The following LOC128092252 variants were observed in gnomAD, a reference collection of about 807,000 sequenced individuals.
the LOC128092252 span, among the ~76,000 whole-genome samples, chr15:50,660,033 G>A: frequency 6.6e-6 from 1 of 152,118 alleles, no homozygotes; most frequent in Non-Finnish European, 1.5e-5. Flanking sequence ...TTTTATTTTA[G>A]AACTGGCACA....
the LOC128092252 span, among the ~76,000 whole-genome samples, chr15:50,662,080 C>T: frequency 4.0e-5 from 6 of 151,786 alleles, no homozygotes; most frequent in Non-Finnish European, 7.4e-5. Flanking sequence ...TAGGGCTGGG[C>T]GCGGTGGCTC....
At chr15:50,686,406 C>T in the LOC128092252 span, 2 of 1,522,210 alleles carry the variant, frequency 1.3e-6, no homozygotes, top group South Asian at 2.3e-5. Flanking sequence ...CCGGAAGCCT[C>T]AAGGCAATTC....
chr15:50,673,003 G>A, the LOC128092252 span, among the ~76,000 whole-genome samples: 1 of 150,376 alleles, frequency 6.6e-6, no homozygotes, highest in Admixed American at 6.6e-5. Flanking sequence ...TATTACAAGA[G>A]TCAAAAAGTT....
chr15:50,675,042 T>C, the LOC128092252 span, among the ~76,000 whole-genome samples: 1 of 152,082 alleles, frequency 6.6e-6, no homozygotes, highest in Non-Finnish European at 1.5e-5. Flanking sequence ...GACATTAGCA[T>C]GTTTCAAGAA....
the LOC128092252 span, among the ~76,000 whole-genome samples, chr15:50,675,777 T>A: frequency 6.6e-6 from 1 of 152,198 alleles, no homozygotes. Context: ...AATTTGTATG[T>A]TCCAAGTAAT....
the LOC128092252 span, among the ~76,000 whole-genome samples, chr15:50,661,651 A>G: frequency 6.6e-6 from 1 of 152,234 alleles, no homozygotes. Context: ...TCTATAATAT[A>G]AAGAGATATC....
chr15:50,651,134 C>G, the LOC128092252 span, among the ~76,000 whole-genome samples: 1 of 152,130 alleles, frequency 6.6e-6, no homozygotes, highest in Non-Finnish European at 1.5e-5. Flanking sequence ...TTGCAGTCAA[C>G]TGATATGGTG....
At chr15:50,679,536 A>ATT in the LOC128092252 span, among the ~76,000 whole-genome samples, 22 of 48,954 alleles carry the variant, frequency 4.5e-4, 1 homozygote, top group African/African-American at 2.8e-3. Context: ...ATATATATAT[A>ATT]TATTTTTTTT....
At chr15:50,675,489 C>T in the LOC128092252 span, among the ~76,000 whole-genome samples, 5 of 152,134 alleles carry the variant, frequency 3.3e-5, no homozygotes, top group African/African-American at 7.2e-5. Flanking sequence ...TCATCATTTA[C>T]GGCCTTCACT....
chr15:50,664,043 T>A, the LOC128092252 span, among the ~76,000 whole-genome samples: 2 of 152,168 alleles, frequency 1.3e-5, no homozygotes, highest in South Asian at 4.1e-4. Context: ...CTCACACGTA[T>A]AATCCCAACA....
chr15:50,677,751 AAAAAAAAAAC>A, the LOC128092252 span, among the ~76,000 whole-genome samples: 1 of 148,122 alleles, frequency 6.8e-6, no homozygotes, highest in Admixed American at 6.8e-5. Flanking sequence ...AAAAAAAAAA[AAAAAAAAAAC>A]AAAAGGTAAC....
At chr15:50,675,804 T>A in the LOC128092252 span, among the ~76,000 whole-genome samples, 3 of 152,206 alleles carry the variant, frequency 2.0e-5, no homozygotes, top group Non-Finnish European at 4.4e-5. Context: ...AGTAACTATA[T>A]CCACAGAATG....
chr15:50,679,511 A>AATATAT, the LOC128092252 span, among the ~76,000 whole-genome samples: 30 of 75,422 alleles, frequency 4.0e-4, no homozygotes, highest in African/African-American at 2.0e-3. Flanking sequence ...GTATATATAT[A>AATATAT]ATATATATAT....
chr15:50,674,135 C>T, the LOC128092252 span, among the ~76,000 whole-genome samples: 4,543 of 152,202 alleles, frequency 0.03, 245 homozygotes, highest in African/African-American at 0.1. Context: ...ATAACAGGTA[C>T]CTGCCACCAC....
the LOC128092252 span, among the ~76,000 whole-genome samples, chr15:50,683,905 A>C: frequency 1.3e-5 from 2 of 151,972 alleles, no homozygotes; most frequent in Non-Finnish European, 2.9e-5. Context: ...ACTCTCACCC[A>C]GGCTGGAGTG....
At chr15:50,671,942 T>A in the LOC128092252 span, among the ~76,000 whole-genome samples, 2 of 152,112 alleles carry the variant, frequency 1.3e-5, no homozygotes, top group African/African-American at 4.8e-5. Flanking sequence ...CATATACAAC[T>A]ATGTACAGTA....
At chr15:50,672,897 T>TC in the LOC128092252 span, among the ~76,000 whole-genome samples, 1 of 11,226 alleles carries the variant, frequency 8.9e-5, no homozygotes, top group Admixed American at 1.6e-3. Context: ...AGACTCTGTC[T>TC]CAAAAAAAAA....
chr15:50,678,239 C>CAAAAAAAAAAAAAAAAAAA, the LOC128092252 span, among the ~76,000 whole-genome samples: 1 of 92,100 alleles, frequency 1.1e-5, no homozygotes. Context: ...GACTCTCTCT[C>CAAAAAAAAAAAAAAAAAAA]AAAAAAAAAA....
At chr15:50,668,867 T>C in the LOC128092252 span, among the ~76,000 whole-genome samples, 2 of 152,130 alleles carry the variant, frequency 1.3e-5, no homozygotes, top group South Asian at 2.1e-4. Flanking sequence ...CAGGACACAA[T>C]TGGAGAAACT....
Sources: gnomAD v4.1 joint callset for allele counts (sites outside exome capture counted in the v4.1 genomes callset) on GRCh38, gnomAD v4.1.1 for gene constraint, MANE v1.5 for transcripts.